ANKRD13C: variants seen among roughly 807,000 people sequenced by gnomAD.
ANKRD13C encodes the protein ankyrin repeat domain-containing protein 13C.
A neutral mutation model predicts 65.5 loss-of-function variants in ANKRD13C; 16 were observed. The ratio of observed to expected loss-of-function variants is 0.24; its 90% confidence interval spans 0.17 to 0.37. The LOEUF is 0.37. Ranked by LOEUF, ANKRD13C falls within the 10% of genes least tolerant of loss-of-function variation. The pLI is 1.00. For missense variants in ANKRD13C, 503 were observed against 655.9 expected, an observed-to-expected ratio of 0.77 and a Z score of 2.55; for synonymous variants, 235 against 238.7, an observed-to-expected ratio of 0.98 and a Z score of 0.14.
intron 7 of ANKRD13C, among the ~76,000 whole-genome samples, chr1:70,296,621 T>G (rs1298290750): frequency 6.6e-6 from 1 of 152,158 alleles, no homozygotes; most frequent in Non-Finnish European, 1.5e-5. Flanking sequence ...ACTTGACAGA[T>G]CTGAGAAAAA....
rs1287630935 is a variant in ANKRD13C, at chr1:70,261,025, C to CT, written c.*1691dup. 2 of 152,066 alleles carry CT rather than the reference C, an allele frequency of 1.3e-5. No individual in the cohort carries two copies. Among genetic ancestry groups the CT allele is most frequent in the African/African-American group, 4.8e-5 (2 of 41,418 alleles). The allele number at this position is 152,066 out of a possible 1,614,324, so 9.4% of individuals were successfully genotyped here. The stretch of plus-strand genomic sequence containing the variant: ...AACCACTGATAGGATAATTCAGTCT[C>CT]TAAGTCATTTGATCTACCCATTTCC... On this transcript the variant is annotated 3_prime_UTR_variant, in exon 13 of 13. Coordinates refer to ENST00000370944, the MANE Select transcript of ANKRD13C (RefSeq NM_030816.5).
intron 2 of ANKRD13C, among the ~76,000 whole-genome samples, chr1:70,326,892 C>A: frequency 6.6e-6 from 1 of 150,930 alleles, no homozygotes; most frequent in Non-Finnish European, 1.5e-5. Context: ...ACTGATAAGC[C>A]CATAACAACA....
chr1:70,273,667 CTTTTT>C (rs1254631501), intron 11 of ANKRD13C, among the ~76,000 whole-genome samples: 1 of 151,398 alleles, frequency 6.6e-6, no homozygotes, highest in Non-Finnish European at 1.5e-5. Context: ...CTCATTTTTT[CTTTTT>C]TCTTTTTTTT....
At position 70,274,702 on chromosome 1, in the gene ANKRD13C, A is replaced by T; in HGVS notation, c.1394+18T>A. ...AATAGTTTCTTTCATAAACATTTGT[A>T]GTTAGTAACAAACTTACAACTCTAT... On this transcript the variant is annotated intron_variant, in intron 11 of 12. Transcript: ENST00000370944. The T allele has an allele frequency of 6.5e-7, 1 of 1,529,384 alleles. No individual in the cohort carries two copies. Among genetic ancestry groups the T allele is most frequent in the Non-Finnish European group, 9.1e-7 (1 of 1,103,228 alleles). 94.7% of individuals were successfully genotyped at this position (1,529,384 alleles called of 1,614,324 possible). A position where few individuals can be genotyped will look rare whatever the true frequency, so the allele number is the denominator to read the frequency against.
At chr1:70,335,736 T>C (rs1404959359) in intron 2 of ANKRD13C, among the ~76,000 whole-genome samples, 2 of 149,944 alleles carry the variant, frequency 1.3e-5, no homozygotes, top group Non-Finnish European at 3.0e-5. Context: ...AACTCTAATA[T>C]GAAAAGTATA....
At chr1:70,301,364 A>G (rs571966318) in intron 6 of ANKRD13C, among the ~76,000 whole-genome samples, 31 of 152,286 alleles carry the variant, frequency 2.0e-4, no homozygotes, top group Non-Finnish European at 4.3e-4. Flanking sequence ...AGGAACACAG[A>G]CCTGTCTGAC....
Position 70,261,247 on chromosome 1 carries a change from GA to G in ANKRD13C, c.*1469del, listed in dbSNP as rs1678379638. The G allele has an allele frequency of 6.6e-6, 1 of 151,998 alleles. No homozygotes were observed. The highest frequency in any genetic ancestry group is 2.4e-5 in the African/African-American group (1 of 41,406). 9.4% of individuals were successfully genotyped at this position (151,998 alleles called of 1,614,324 possible). Reference sequence around the variant, plus strand: ...TCAGTATGGAAGATGCAGCTTTAAAGATGTTTATTTAAAATTTTTCTTACGG... The same window carrying G: ...TCAGTATGGAAGATGCAGCTTTAAAGTGTTTATTTAAAATTTTTCTTACGG... On this transcript the variant is annotated 3_prime_UTR_variant, in exon 13 of 13. Transcript: ENST00000370944.
intron 9 of ANKRD13C, among the ~76,000 whole-genome samples, chr1:70,291,435 A>G (rs1191521299): frequency 3.3e-5 from 5 of 152,260 alleles, no homozygotes; most frequent in Admixed American, 6.5e-5. Context: ...ATCTAAATTC[A>G]CTTCACAGAG....
chr1:70,331,330 G>A (rs1387924737), intron 2 of ANKRD13C, among the ~76,000 whole-genome samples: 3 of 152,086 alleles, frequency 2.0e-5, no homozygotes, highest in Non-Finnish European at 4.4e-5. Context: ...GGAGGCCGAG[G>A]TGGGTAAATC....
At chr1:70,318,687 T>G (rs894501816) in intron 3 of ANKRD13C, among the ~76,000 whole-genome samples, 6 of 145,792 alleles carry the variant, frequency 4.1e-5, no homozygotes, top group African/African-American at 1.5e-4. Context: ...TTGTTTTTTT[T>G]TTTTTTTTTT....
chr1:70,311,611 T>G (rs562021548), intron 5 of ANKRD13C, among the ~76,000 whole-genome samples: 40 of 152,278 alleles, frequency 2.6e-4, no homozygotes, highest in Non-Finnish European at 4.6e-4. Context: ...GAAAAGCATT[T>G]GAAAGTAGTC....
chr1:70,354,720 C>T lies in ANKRD13C; in HGVS notation c.-312G>A, dbSNP rs1408046758. The T allele has an allele frequency of 1.4e-6, 1 of 733,258 alleles. No individual in the cohort carries two copies. Among genetic ancestry groups the T allele is most frequent in the Non-Finnish European group, 2.2e-6 (1 of 458,930 alleles). 45.4% of individuals were successfully genotyped at this position (733,258 alleles called of 1,614,324 possible). A position where few individuals can be genotyped will look rare whatever the true frequency, so the allele number is the denominator to read the frequency against. On this transcript the variant is annotated 5_prime_UTR_variant, in exon 1 of 13. Coordinates refer to ENST00000370944, the MANE Select transcript of ANKRD13C (RefSeq NM_030816.5). ...ACAGGGCACGGCCATCTTCCTCTTG[C>T]TCCTCTCGCGAGAGCTCCCCCAGGA...
intron 3 of ANKRD13C, among the ~76,000 whole-genome samples, chr1:70,323,530 C>T (rs1001964584): frequency 2.6e-5 from 4 of 151,714 alleles, no homozygotes; most frequent in Non-Finnish European, 2.9e-5. Flanking sequence ...GTGATCCCAG[C>T]TACTTGGGAG....
At chr1:70,303,353 C>A (rs1179405706) in intron 6 of ANKRD13C, among the ~76,000 whole-genome samples, 1 of 151,996 alleles carries the variant, frequency 6.6e-6, no homozygotes, top group East Asian at 1.9e-4. Flanking sequence ...CCATGAAGAA[C>A]AATAAGTTCT....
chr1:70,274,954 CT>C lies in ANKRD13C; in HGVS notation c.1296-137del. On this transcript the variant is annotated intron_variant, in intron 10 of 12. Coordinates refer to ENST00000370944, the MANE Select transcript of ANKRD13C (RefSeq NM_030816.5). ...CTCTGTCTACAGAAATAAAGTTATG[CT>C]AAAAGGGAATAAGATATGTATAAGA... The C allele has an allele frequency of 2.2e-5, 13 of 579,120 alleles. No individual in the cohort carries two copies. The South Asian group carries it at 3.1e-4, about 14-fold the overall frequency. The allele number at this position is 579,120 out of a possible 1,614,324, so 35.9% of individuals were successfully genotyped here.
At chr1:70,324,374 G>T (rs959560142) in intron 3 of ANKRD13C, among the ~76,000 whole-genome samples, 3 of 152,116 alleles carry the variant, frequency 2.0e-5, no homozygotes, top group Non-Finnish European at 4.4e-5. Flanking sequence ...TTATCAAAAA[G>T]AATATGACAT....
intron 3 of ANKRD13C, among the ~76,000 whole-genome samples, chr1:70,324,161 C>T (rs1047901038): frequency 6.6e-6 from 1 of 152,074 alleles, no homozygotes; most frequent in Non-Finnish European, 1.5e-5. Flanking sequence ...TTTCCTTCCA[C>T]AAAGTTAGAT....
At chr1:70,309,759 AAC>A (rs1680768398) in intron 5 of ANKRD13C, among the ~76,000 whole-genome samples, 1 of 150,366 alleles carries the variant, frequency 6.7e-6, no homozygotes, top group Non-Finnish European at 1.5e-5. Flanking sequence ...ATATACAAAT[AAC>A]AGTCTCAAAT....
intron 12 of ANKRD13C, among the ~76,000 whole-genome samples, chr1:70,268,279 C>T (rs1264790828): frequency 2.6e-5 from 4 of 151,694 alleles, no homozygotes; most frequent in African/African-American, 9.7e-5. Flanking sequence ...AAGTGATTTT[C>T]CTGCCTCAGC....
Sources: gnomAD v4.1 joint callset for allele counts (sites outside exome capture counted in the v4.1 genomes callset) on GRCh38, gnomAD v4.1.1 for gene constraint, MANE v1.5 for transcripts, NCBI Gene and HGNC (gene_info 2026-07-23, HGNC 2026-07-21) for gene names.